The following CARS2 variants were observed in gnomAD, a reference collection of about 807,000 sequenced individuals.
CARS2 encodes cysteinyl-tRNA synthetase 2, mitochondrial.
In CARS2, 52 loss-of-function variants were observed where a neutral mutation model predicts 68.8. The observed-to-expected ratio is 0.76, with a 90% CI of 0.61 to 0.95. The LOEUF (loss-of-function observed/expected upper bound fraction) is 0.95. Among genes scored for constraint, CARS2 ranks in the 40% least tolerant of loss-of-function variants. The pLI is 0.00. For missense variants in CARS2, 780 were observed against 754.2 expected (o/e 1.03, Z -0.40); for synonymous variants, 314 against 303.6 (o/e 1.03, Z -0.36).
intron 7 of CARS2, among the ~76,000 whole-genome samples, chr13:110,672,718 A>G (rs937053979): frequency 6.6e-6 from 1 of 152,196 alleles, no homozygotes; most frequent in African/African-American, 2.4e-5. Context: ...CTAAGATCAG[A>G]GCAGAACTGA....
rs375287344 is a variant in CARS2, at chr13:110,687,678, C to CA, written c.571+42dup. The CA allele has an allele frequency of 0.091, 67,775 of 741,958 alleles. 6 individuals carry two copies. The highest frequency in any genetic ancestry group is 0.1 in the South Asian group (4,523 of 44,764). The allele number at this position is 741,958 out of a possible 1,614,324, so 46.0% of individuals were successfully genotyped here. On this transcript the variant is annotated intron_variant, in intron 5 of 14. Transcript: ENST00000257347. Reference sequence around the variant, plus strand: ...TGGGTGACAGAGTAAAACTCTGTCTCAAAAAAAAAAAAAGAAAAAAAAAAA... The same window carrying CA: ...TGGGTGACAGAGTAAAACTCTGTCTCAAAAAAAAAAAAAAGAAAAAAAAAAA...
At chr13:110,642,068 GTGCATGCC>G (rs1887407928) in intron 14 of CARS2, among the ~76,000 whole-genome samples, 1 of 152,200 alleles carries the variant, frequency 6.6e-6, no homozygotes, top group Admixed American at 6.5e-5. Context: ...GAGCATGGGA[GTGCATGCC>G]TGTAATCCTA....
At chr13:110,694,019 T>G (rs74889575) in intron 3 of CARS2, among the ~76,000 whole-genome samples, 1 of 151,856 alleles carries the variant, frequency 6.6e-6, no homozygotes, top group African/African-American at 2.4e-5. Flanking sequence ...AATTTTTCGG[T>G]TTTTTTGTTT....
At chr13:110,673,365 C>G (rs936181880) in intron 7 of CARS2, among the ~76,000 whole-genome samples, 10 of 150,606 alleles carry the variant, frequency 6.6e-5, no homozygotes, top group African/African-American at 2.4e-4. Context: ...TTATCCACCA[C>G]GATCAAGTGG....
rs1202079176 is a variant in CARS2, at chr13:110,676,939, G to C, written c.785+35C>G. 15 of 1,496,606 alleles carry C rather than the reference G, an allele frequency of 1.0e-5. No individual in the cohort carries two copies. Among genetic ancestry groups the C allele is most frequent in the Non-Finnish European group, 1.3e-5 (15 of 1,116,942 alleles). 92.7% of individuals were successfully genotyped at this position (1,496,606 alleles called of 1,614,324 possible). A position where few individuals can be genotyped will look rare whatever the true frequency, so the allele number is the denominator to read the frequency against. On this transcript the variant is annotated intron_variant, in intron 7 of 14. Transcript: ENST00000257347. This position sits in a 1 kb window ranked among gnomAD's most constrained non-coding sequence, Gnocchi z 4.0. The stretch of plus-strand genomic sequence containing the variant: ...CCCTGAGCAGGCACCAGGGGAACTT[G>C]AGCCCCAACCCCCAGGAAGCGGCAG...
At position 110,682,223 on chromosome 13, in the gene CARS2, T is replaced by C. The variant is rs1468134999; in HGVS notation, c.655+828A>G. Among the ~76,000 whole-genome samples, 3 of 152,262 alleles carry C rather than the reference T, an allele frequency of 2.0e-5. No individual in the cohort carries two copies. The East Asian group carries it at 5.8e-4, about 29-fold the overall frequency. ...AAAGCAAATCTATTAAATAAATAAT[T>C]TTAAAAAACCTTCCTGATGCCAGAA... On this transcript the variant is annotated intron_variant, in intron 6 of 14. Transcript: ENST00000257347.
At chr13:110,694,824 T>C (rs1416490344) in intron 3 of CARS2, among the ~76,000 whole-genome samples, 4 of 152,124 alleles carry the variant, frequency 2.6e-5, no homozygotes, top group Non-Finnish European at 4.4e-5. Flanking sequence ...AAACAAGTCT[T>C]GGAGCAGATG....
intron 8 of CARS2, chr13:110,666,606 A>T: frequency 1.0e-6 from 1 of 985,428 alleles, no homozygotes; most frequent in African/African-American, 1.7e-5. Context: ...CCAGAAAACC[A>T]GAGCACTTCT....
chr13:110,700,740 G>T (rs1214101834), intron 3 of CARS2, among the ~76,000 whole-genome samples: 2 of 152,238 alleles, frequency 1.3e-5, no homozygotes, highest in East Asian at 3.8e-4. Context: ...GACATGAAAG[G>T]CATCATTAGC....
intron 7 of CARS2, among the ~76,000 whole-genome samples, chr13:110,672,416 C>G (rs1371450950): frequency 6.6e-6 from 1 of 152,208 alleles, no homozygotes; most frequent in Non-Finnish European, 1.5e-5. Context: ...GAAACTCACT[C>G]AAAACCTCTC....
chr13:110,686,117 G>A (rs1302887020), intron 5 of CARS2, among the ~76,000 whole-genome samples: 3 of 152,188 alleles, frequency 2.0e-5, no homozygotes, highest in East Asian at 1.9e-4. Context: ...AATACAGAGA[G>A]GACACGCGAA....
chr13:110,656,991 G>A (rs2062388927), intron 9 of CARS2, among the ~76,000 whole-genome samples: 1 of 152,084 alleles, frequency 6.6e-6, no homozygotes, highest in Non-Finnish European at 1.5e-5. Flanking sequence ...TATAGTATGT[G>A]CATTACATTT....
At chr13:110,674,013 G>A (rs908812569) in intron 7 of CARS2, among the ~76,000 whole-genome samples, 10 of 152,190 alleles carry the variant, frequency 6.6e-5, no homozygotes, top group African/African-American at 2.2e-4. Flanking sequence ...GGGATGTGAA[G>A]GACCTCTTCA....
At chr13:110,681,081 G>A (rs1214668425) in intron 6 of CARS2, among the ~76,000 whole-genome samples, 1 of 152,150 alleles carries the variant, frequency 6.6e-6, no homozygotes, top group African/African-American at 2.4e-5. Flanking sequence ...TGTTTGTTTG[G>A]TAGAGACAGC....
chr13:110,661,915 C>G (rs1200217608), intron 9 of CARS2, among the ~76,000 whole-genome samples: 2 of 152,070 alleles, frequency 1.3e-5, no homozygotes, highest in Non-Finnish European at 2.9e-5. Context: ...AAAACAATTA[C>G]AACAGTAACA....
chr13:110,684,877 C>T (rs1001260885), intron 5 of CARS2, among the ~76,000 whole-genome samples: 1 of 152,160 alleles, frequency 6.6e-6, no homozygotes, highest in Non-Finnish European at 1.5e-5. Flanking sequence ...GATCAAATTA[C>T]AACCAAGCCC....
At position 110,687,981 on chromosome 13, in the gene CARS2, T is replaced by C. The variant is rs150606981; in HGVS notation, c.431A>G (p.Glu144Gly). ...ISPASLASLY[E>G]EDFKQDMAAL... ...TGCCATGTCCTGCTTGAAGTCTTCC[T>C]CATAAAGACTGGCGAGGGAAGCGGG... The change falls in exon 4 of 15, where the codon GAG becomes GGG. Residue 144 changes from glutamate to glycine, a missense_variant. Glu to Gly is a moderately conservative substitution (Grantham distance 98). Coordinates refer to ENST00000257347, the MANE Select transcript of CARS2 (RefSeq NM_024537.4). 2 of 1,612,680 alleles carry C rather than the reference T, an allele frequency of 1.2e-6. No individual in the cohort carries two copies. The highest frequency in any genetic ancestry group is 1.7e-6 in the Non-Finnish European group (2 of 1,179,604).
At position 110,651,157 on chromosome 13, in the gene CARS2, C is replaced by A. The variant is rs1233491368; in HGVS notation, c.988-57G>T. 2.0e-5 allele frequency: 24 copies of A among 1,184,748 alleles called. 1 individual carries two copies. The highest frequency in any genetic ancestry group is 2.7e-5 in the Non-Finnish European group (22 of 806,002). 73.4% of individuals were successfully genotyped at this position (1,184,748 alleles called of 1,614,324 possible). ...CTTTGCTTTTACGCTTCGCACTGTT[C>A]AGAGAATATGTTACTTTCTACAATT... On this transcript the variant is annotated intron_variant, in intron 9 of 14. Transcript: ENST00000257347.
intron 3 of CARS2, among the ~76,000 whole-genome samples, chr13:110,691,142 A>G (rs923511895): frequency 5.3e-5 from 8 of 152,090 alleles, no homozygotes; most frequent in African/African-American, 1.9e-4. Flanking sequence ...CAGCCTCCCA[A>G]GTAGCTGGGA....
Sources: allele counts gnomAD v4.1 joint callset (sites outside exome capture counted in the v4.1 genomes callset), GRCh38; gene constraint gnomAD v4.1.1; non-coding constraint Gnocchi (gnomAD v3.1); transcripts MANE v1.5; gene names NCBI Gene and HGNC (gene_info 2026-07-23, HGNC 2026-07-21).